ZMPSTE24: variants seen among roughly 807,000 people sequenced by gnomAD.
ZMPSTE24 encodes CAAX prenyl protease 1 homolog.
In ZMPSTE24, 48 loss-of-function variants were observed where a neutral mutation model predicts 56.7. The ratio of observed to expected loss-of-function variants is 0.85; its 90% CI spans 0.67 to 1.08. ZMPSTE24 has a LOEUF of 1.08. Ranked by LOEUF, ZMPSTE24 falls within the 50% of genes least tolerant of loss-of-function variation. The pLI is 0.00. For synonymous variants in ZMPSTE24, 172 were observed against 195.2 expected, an observed-to-expected ratio of 0.88 and a Z score of 0.99; for missense variants, 503 against 548.7, an observed-to-expected ratio of 0.92 and a Z score of 0.83.
Position 40,270,037 on chromosome 1 carries a change from G to A in ZMPSTE24, c.537G>A (p.Leu179=), listed in dbSNP as rs745389726. The A allele has an allele frequency of 1.2e-6, 2 of 1,613,828 alleles. No homozygotes were observed. Among genetic ancestry groups the A allele is most frequent in the Non-Finnish European group, 1.7e-6 (2 of 1,179,926 alleles). The change falls in exon 5 of 10, where the codon TTG becomes TTA. Residue 179 remains leucine (L), a synonymous_variant. Coordinates refer to ENST00000372759, the MANE Select transcript of ZMPSTE24 (RefSeq NM_005857.5). ...KKFVVTQCIL[L]PVSSLLLYII... is the part of the protein sequence containing the mutation. ...TTGTTGTGACTCAGTGTATTTTGTT[G>A]CCTGTGTCTTCACTTCTACTTTACA...
chr1:40,286,423 T>A (rs1643787127), intron 8 of ZMPSTE24, among the ~76,000 whole-genome samples: 1 of 152,102 alleles, frequency 6.6e-6, no homozygotes, highest in Non-Finnish European at 1.5e-5. Context: ...AAAATTAAAT[T>A]AAAAAAATTT....
At chr1:40,288,930 A>T (rs1643811986) in intron 8 of ZMPSTE24, among the ~76,000 whole-genome samples, 1 of 152,076 alleles carries the variant, frequency 6.6e-6, no homozygotes, top group Non-Finnish European at 1.5e-5. Flanking sequence ...TATACACCTT[A>T]AAGTTCACCT....
At chr1:40,291,033 T>C (rs1569669099) in intron 9 of ZMPSTE24, 36 bp downstream of exon 9, 4 of 1,610,046 alleles carry the variant, frequency 2.5e-6, no homozygotes, top group African/African-American at 1.3e-5. Flanking sequence ...ACACATATGC[T>C]CTTGCCTGCT....
Position 40,285,967 on chromosome 1 carries a change from C to A in ZMPSTE24, c.997C>A (p.Leu333Ile), listed in dbSNP as rs756638167. 19 of 1,613,826 alleles carry A rather than the reference C, an allele frequency of 1.2e-5. No homozygotes were observed. The highest frequency in any genetic ancestry group is 8.3e-5 in the Admixed American group (5 of 59,988). The change falls in exon 8 of 10, where the codon CTA becomes ATA. Residue 333 changes from leucine to isoleucine, a missense_variant. Physicochemically the swap from Leu to Ile is conservative, Grantham distance 5. Coordinates refer to ENST00000372759, the MANE Select transcript of ZMPSTE24 (RefSeq NM_005857.5). ...GCKNEEVLAV[L>I]GHELGHWKLG... The stretch of plus-strand genomic sequence containing the variant: ...TAAAAATGAGGAGGTACTCGCTGTA[C>A]TAGGCCATGAACTGGGGCACTGGAA...
At chr1:40,268,809 G>A (rs1003561211) in intron 4 of ZMPSTE24, among the ~76,000 whole-genome samples, 2 of 152,050 alleles carry the variant, frequency 1.3e-5, no homozygotes, top group African/African-American at 4.8e-5. Context: ...CAGGCCCAGT[G>A]GCTCATGCCT....
At chr1:40,263,658 A>G (rs939650374) in intron 2 of ZMPSTE24, among the ~76,000 whole-genome samples, 1 of 149,052 alleles carries the variant, frequency 6.7e-6, no homozygotes, top group Non-Finnish European at 1.5e-5. Flanking sequence ...ATTAATTTCT[A>G]TTTTGTGTTG....
intron 2 of ZMPSTE24, 132 bp downstream of exon 2, chr1:40,261,117 C>G: frequency 8.9e-7 from 1 of 1,128,130 alleles, no homozygotes; most frequent in Admixed American, 1.8e-5. Flanking sequence ...ATAGTAACGG[C>G]TGTGGAGCAA....
Position 40,260,889 on chromosome 1 carries a change from C to G in ZMPSTE24, c.174C>G (p.Ile58Met). Residue 58 changes from isoleucine to methionine, a missense_variant, in exon 2 of 10, where the codon ATC becomes ATG. Physicochemically the swap from Ile to Met is conservative, Grantham distance 10 (BLOSUM62 1). Coordinates refer to ENST00000372759, the MANE Select transcript of ZMPSTE24 (RefSeq NM_005857.5). ...ATGTACCACCGGAGTTAGGACAGAT[C>G]ATGGATTCTGAAACATTTGAGAAAT... ...TTHVPPELGQ[I>M]MDSETFEKSR... is the part of the protein sequence containing the mutation. 6.2e-7 allele frequency: 1 copy of G among 1,614,106 alleles called. No homozygotes were observed. Among genetic ancestry groups the G allele is most frequent in the Non-Finnish European group, 8.5e-7 (1 of 1,179,988 alleles).
intron 2 of ZMPSTE24, chr1:40,262,931 A>G (rs1460803582): frequency 1.1e-5 from 11 of 1,034,426 alleles, no homozygotes; most frequent in African/African-American, 1.0e-4. Flanking sequence ...TATTTTCTTC[A>G]TCTCTGAAAA....
chr1:40,271,938 C>T lies in ZMPSTE24; in HGVS notation c.672C>T (p.Asp224=). Residue 224 remains aspartate (D), a synonymous_variant, in exon 6 of 10, where the codon GAC becomes GAT. Coordinates refer to ENST00000372759, the MANE Select transcript of ZMPSTE24 (RefSeq NM_005857.5). ...IYADYIAPLF[D]KFTPLPEGKL... ...CTGATTATATTGCCCCTTTATTTGACAAATTCACACCTCTGCCTGAGGGAA... is the reference window on the plus strand; with the variant it reads ...CTGATTATATTGCCCCTTTATTTGATAAATTCACACCTCTGCCTGAGGGAA... 6.2e-7 allele frequency: 1 copy of T among 1,613,630 alleles called. No individual in the cohort carries two copies. Among genetic ancestry groups the T allele is most frequent in the East Asian group, 2.2e-5 (1 of 44,804 alleles).
intron 6 of ZMPSTE24, among the ~76,000 whole-genome samples, chr1:40,275,078 G>A (rs1460558216): frequency 6.6e-6 from 1 of 151,984 alleles, no homozygotes; most frequent in Non-Finnish European, 1.5e-5. Context: ...AATTCTGCAA[G>A]CAATAGAAAC....
chr1:40,267,903 G>T, intron 3 of ZMPSTE24, 31 bp downstream of exon 3: 1 of 1,587,108 alleles, frequency 6.3e-7, no homozygotes, highest in South Asian at 1.1e-5. Flanking sequence ...TATTTGTCAT[G>T]GTATTTCTTT....
chr1:40,263,039 A>G (rs897599773), intron 2 of ZMPSTE24: 2 of 954,846 alleles, frequency 2.1e-6, no homozygotes, highest in South Asian at 4.8e-5. Context: ...GACTTTACCC[A>G]CTACAGGGCC....
At position 40,292,726 on chromosome 1, in the gene ZMPSTE24, T is replaced by C; in HGVS notation, c.*57T>C. On this transcript the variant is annotated 3_prime_UTR_variant, in exon 10 of 10. Coordinates refer to ENST00000372759, the MANE Select transcript of ZMPSTE24 (RefSeq NM_005857.5). Reference sequence around the variant, plus strand: ...TGATTATTTCTGTCCTGGCAGCATGTTCCAGCTCTTGATGTTTTTAAACTT... The same window carrying C: ...TGATTATTTCTGTCCTGGCAGCATGCTCCAGCTCTTGATGTTTTTAAACTT... 1.3e-6 allele frequency: 2 copies of C among 1,541,712 alleles called. No homozygotes were observed. The highest frequency in any genetic ancestry group is 8.9e-7 in the Non-Finnish European group (1 of 1,117,516).
chr1:40,281,997 CT>C (rs1643734917), intron 7 of ZMPSTE24, among the ~76,000 whole-genome samples: 1 of 152,082 alleles, frequency 6.6e-6, no homozygotes, highest in Non-Finnish European at 1.5e-5. Flanking sequence ...GCTTTGTATC[CT>C]TGGATACGTT....
rs1428116879 is a variant in ZMPSTE24 at position 40,271,912 on chromosome 1, G to C, written c.646G>C (p.Ala216Pro). 1 of 1,613,632 alleles carries C rather than the reference G, an allele frequency of 6.2e-7. No individual in the cohort carries two copies. The highest frequency in any genetic ancestry group is 1.1e-5 in the South Asian group (1 of 91,044). Residue 216 changes from alanine (A) to proline (P), a missense_variant, in exon 6 of 10, where the codon GCT becomes CCT. Ala to Pro is a conservative substitution (Grantham distance 27, BLOSUM62 -1). Coordinates refer to ENST00000372759, the MANE Select transcript of ZMPSTE24 (RefSeq NM_005857.5). ...TTTTCAGGTTCTTGTCACAATCTATGCTGATTATATTGCCCCTTTATTTGA... is the reference window on the plus strand; with the variant it reads ...TTTTCAGGTTCTTGTCACAATCTATCCTGATTATATTGCCCCTTTATTTGA... ...VVSLVLVTIY[A>P]DYIAPLFDKF...
chr1:40,274,285 C>T (rs894575949), intron 6 of ZMPSTE24, among the ~76,000 whole-genome samples: 7 of 152,184 alleles, frequency 4.6e-5, no homozygotes, highest in Admixed American at 2.6e-4. Flanking sequence ...AGTAACAATT[C>T]TCAAAAATAT....
chr1:40,277,046 C>T (rs1643677612), intron 6 of ZMPSTE24, among the ~76,000 whole-genome samples: 4 of 151,328 alleles, frequency 2.6e-5, no homozygotes, highest in Admixed American at 2.0e-4. Context: ...ACATGCCAGG[C>T]ACAGCGATAT....
At chr1:40,291,958 A>G (rs1294667690) in intron 9 of ZMPSTE24, among the ~76,000 whole-genome samples, 2 of 150,682 alleles carry the variant, frequency 1.3e-5, no homozygotes, top group Non-Finnish European at 2.9e-5. Flanking sequence ...CTCCTGCCTC[A>G]GCCTCCTGAA....
Sources: allele counts gnomAD v4.1 joint callset (sites outside exome capture counted in the v4.1 genomes callset), GRCh38; gene constraint gnomAD v4.1.1; transcripts MANE v1.5; gene names NCBI Gene and HGNC (gene_info 2026-07-23, HGNC 2026-07-21).